Variants in RITA1 observed in about 807,000 individuals in gnomAD.
RITA1 encodes the protein RBPJ interacting and tubulin associated 1.
A neutral mutation model predicts 8.7 loss-of-function variants in RITA1; 15 were observed. The observed-to-expected ratio is 1.72, with a 90% CI of 1.15 to 2.65. The LOEUF (loss-of-function observed/expected upper bound fraction) is 2.65. Among genes scored for constraint, RITA1 ranks in the 30% most tolerant of loss-of-function variants. RITA1 has a pLI of 0.00. For missense variants in RITA1, 330 were observed against 363.8 expected (o/e 0.91, Z 0.76); for synonymous variants, 145 against 156.2 (o/e 0.93, Z 0.53).
intron 3 of RITA1, among the ~76,000 whole-genome samples, chr12:113,189,056 C>T (rs1593016815): frequency 2.6e-5 from 4 of 151,738 alleles, no homozygotes; most frequent in East Asian, 1.9e-4. Context: ...GTCGTTCTCC[C>T]GCCTCTGCTT....
chr12:113,185,831 C>T lies in RITA1; in HGVS notation c.-387C>T. ...TGCCGGCTCCTCGGGTGAGTCCGTC[C>T]GCGCGCGGTGCCCCGGGACGGCCTA... On this transcript the variant is annotated 5_prime_UTR_variant, in exon 1 of 4. Coordinates refer to ENST00000548278, the MANE Select transcript of RITA1 (RefSeq NM_032848.3). 2.6e-6 allele frequency: 2 copies of T among 762,626 alleles called. No homozygotes were observed. The highest frequency in any genetic ancestry group is 5.4e-5 in the East Asian group (2 of 36,750). The allele number at this position is 762,626 out of a possible 1,614,324, so 47.2% of individuals were successfully genotyped here. A position where few individuals can be genotyped will look rare whatever the true frequency, so the allele number is the denominator to read the frequency against.
chr12:113,191,716 A>T lies in RITA1; in HGVS notation c.709A>T (p.Ser237Cys), dbSNP rs770190366. The change falls in exon 4 of 4, where the codon AGC becomes TGC. Residue 237 changes from serine to cysteine, a missense_variant. Ser to Cys is a moderately radical substitution (Grantham distance 112). Transcript: ENST00000548278. The surrounding 1 kb of genome is among the most constrained non-coding windows in gnomAD (Gnocchi z 4.0). ...RPSTSGVTFR[S>C]PLVTSRARSV... ...TTCCACGTCAGGGGTGACCTTCCGG[A>T]GCCCCCTGGTGACTTCCAGGGCTCG... 1.1e-5 allele frequency: 18 copies of T among 1,613,922 alleles called. No homozygotes were observed. The highest frequency in any genetic ancestry group is 9.3e-6 in the Non-Finnish European group (11 of 1,180,002).
chr12:113,188,648 T>G (rs1952563670), intron 3 of RITA1, among the ~76,000 whole-genome samples: 1 of 150,866 alleles, frequency 6.6e-6, no homozygotes, highest in Non-Finnish European at 1.5e-5. Flanking sequence ...CCTTTTCTCA[T>G]TTTTTTTTAA....
chr12:113,189,731 A>AT (rs921524188), intron 3 of RITA1, among the ~76,000 whole-genome samples: 1 of 139,200 alleles, frequency 7.2e-6, no homozygotes, highest in Non-Finnish European at 1.6e-5. Context: ...TATCTGTTGA[A>AT]TAAAAAAAAA....
At chr12:113,189,566 C>T (rs1952576753) in intron 3 of RITA1, among the ~76,000 whole-genome samples, 1 of 152,050 alleles carries the variant, frequency 6.6e-6, no homozygotes, top group African/African-American at 2.4e-5. Context: ...AAAACCTTGG[C>T]ACCAGACATA....
chr12:113,188,240 G>T (rs542259381), intron 3 of RITA1, among the ~76,000 whole-genome samples: 2 of 142,300 alleles, frequency 1.4e-5, no homozygotes. Context: ...TTTTTGAGAC[G>T]GAGTTTTGCT....
At position 113,191,082 on chromosome 12, in the gene RITA1, G is replaced by C. The variant is rs1477259226; in HGVS notation, c.303-228G>C. Reference sequence around the variant, plus strand: ...GGGCACATGTCTGGGAATGGGGTCAGGATGCAGGGGCAGTGGATGTTTCGC... The same window carrying C: ...GGGCACATGTCTGGGAATGGGGTCACGATGCAGGGGCAGTGGATGTTTCGC... On this transcript the variant is annotated intron_variant, in intron 3 of 3. Coordinates refer to ENST00000548278, the MANE Select transcript of RITA1 (RefSeq NM_032848.3). This position sits in a 1 kb window ranked among gnomAD's most constrained non-coding sequence, Gnocchi z 4.0. Among the ~76,000 whole-genome samples the C allele has an allele frequency of 6.6e-6, 1 of 152,196 alleles. No individual in the cohort carries two copies. The highest frequency in any genetic ancestry group is 1.5e-5 in the Non-Finnish European group (1 of 68,038).
intron 3 of RITA1, among the ~76,000 whole-genome samples, chr12:113,188,941 C>T (rs1326599843): frequency 6.6e-6 from 1 of 151,270 alleles, no homozygotes; most frequent in East Asian, 1.9e-4. Flanking sequence ...TCCCGAGTAG[C>T]TGGCATTACA....
Position 113,191,522 on chromosome 12 carries a change from CAG to C in RITA1, c.518_519del (p.Glu173AlafsTer75), listed in dbSNP as rs759178196. The C allele has an allele frequency of 2.5e-6, 4 of 1,612,236 alleles. No individual in the cohort carries two copies. The highest frequency in any genetic ancestry group is 3.4e-6 in the Non-Finnish European group (4 of 1,178,658). ...ATTCACCCAGCTGGTCCCTCCAAGA[CAG>C]AGCCGGGGCCAGCGGCAGACTCCCA... On this transcript the variant is annotated frameshift_variant, in exon 4 of 4. Transcript: ENST00000548278. LOFTEE classifies it low-confidence loss of function (END_TRUNC). The surrounding 1 kb of genome is among the most constrained non-coding windows in gnomAD (Gnocchi z 4.0).
chr12:113,187,287 A>T, intron 3 of RITA1: 1 of 456,524 alleles, frequency 2.2e-6, no homozygotes, highest in Non-Finnish European at 3.8e-6. Context: ...CTGTCAATAA[A>T]TGGTAGTGTT....
rs1351847267 is a variant in RITA1, at chr12:113,191,614, A to G, written c.607A>G (p.Thr203Ala). 2 of 1,613,832 alleles carry G rather than the reference A, an allele frequency of 1.2e-6. No homozygotes were observed. The highest frequency in any genetic ancestry group is 2.2e-5 in the South Asian group (2 of 91,062). The change falls in exon 4 of 4, where the codon ACC (threonine) becomes GCC (alanine). Residue 203 changes from threonine to alanine, a missense_variant. Thr to Ala is a moderately conservative substitution (Grantham distance 58, BLOSUM62 0). Transcript: ENST00000548278. The surrounding 1 kb of genome is among the most constrained non-coding windows in gnomAD (Gnocchi z 4.0). Reference sequence around the variant, plus strand: ...GAAGCGGGGACTTTCCCATTCCCTCACCCACCTGAATGTCCCCAGCACTGG... The same window carrying G: ...GAAGCGGGGACTTTCCCATTCCCTCGCCCACCTGAATGTCCCCAGCACTGG... ...PLKRGLSHSL[T>A]HLNVPSTGHP...
intron 3 of RITA1, among the ~76,000 whole-genome samples, chr12:113,187,752 G>A (rs994296170): frequency 6.0e-5 from 4 of 66,990 alleles, no homozygotes; most frequent in Non-Finnish European, 1.1e-4. Flanking sequence ...GTGAGACCCT[G>A]TCTCCAAAAA....
rs764901701 is a variant in RITA1, at chr12:113,191,774, G to A, written c.767G>A (p.Arg256Gln). The A allele has an allele frequency of 7.4e-6, 12 of 1,611,862 alleles. No individual in the cohort carries two copies. The highest frequency in any genetic ancestry group is 2.2e-5 in the South Asian group (2 of 90,974). The change falls in exon 4 of 4, where the codon CGA becomes CAA. Residue 256 changes from arginine to glutamine, a missense_variant. By Grantham distance (43) the Arg-to-Gln change is conservative. Transcript: ENST00000548278. This position sits in a 1 kb window ranked among gnomAD's most constrained non-coding sequence, Gnocchi z 4.0. The part of the protein sequence containing the change: ...SVSISVPSTP[R>Q]RGGATQKPKP... ...AGCATTTCAGTGCCATCTACCCCAC[G>A]ACGAGGTGGGGCCACCCAGAAACCA... is the stretch of plus-strand genomic sequence containing the variant.
Position 113,191,360 on chromosome 12 carries a change from G to T in RITA1, c.353G>T (p.Arg118Leu), listed in dbSNP as rs143445723. The T allele has an allele frequency of 1.3e-6, 2 of 1,583,430 alleles. No homozygotes were observed. The highest frequency in any genetic ancestry group is 1.8e-5 in the Admixed American group (1 of 56,522). ...TGTGATGAGTCGCTGTTTGGCTCCC[G>T]ATCTGAAGGCGCCAGCTTCGGGGCC... ...SYCDESLFGS[R>L]SEGASFGAPR... Residue 118 changes from arginine (R) to leucine (L), a missense_variant, in exon 4 of 4, where the codon CGA becomes CTA. Arg to Leu is a moderately radical substitution (Grantham distance 102). Transcript: ENST00000548278. The surrounding 1 kb of genome is among the most constrained non-coding windows in gnomAD (Gnocchi z 4.0).
rs760422290 is a variant in RITA1 at position 113,186,755 on chromosome 12, C to G, written c.9C>G (p.Thr3=). 5 of 1,613,000 alleles carry G rather than the reference C, an allele frequency of 3.1e-6. No individual in the cohort carries two copies. The East Asian group carries it at 1.1e-4, about 36-fold the overall frequency. ...CAGGGACCACAGGCAGCATGAAGAC[C>G]CCCGTGGAGCTGGCCGTCAGTGGGA... is the stretch of plus-strand genomic sequence containing the variant. MK[T]PVELAVSGMQ... is the part of the protein sequence containing the mutation. Residue 3 remains threonine (T), a synonymous_variant, in exon 3 of 4, where the codon ACC becomes ACG. Transcript: ENST00000548278.
rs376884933 is a variant in RITA1, at chr12:113,186,105, T to C, written c.-196-80T>C. On this transcript the variant is annotated intron_variant, in intron 1 of 3. Transcript: ENST00000548278. ...TTGGGAGTCGCAGAATGTGGGGCGG[T>C]GGGGGCGGCGGTGATCTCCCGATAG... 171 of 1,524,612 alleles carry C rather than the reference T, an allele frequency of 1.1e-4. No individual in the cohort carries two copies. In the African/African-American group the frequency reaches 2.1e-3, roughly 18 times the overall value. The allele number at this position is 1,524,612 out of a possible 1,614,324, so 94.4% of individuals were successfully genotyped here.
intron 1 of RITA1, 66 bp downstream of exon 1, chr12:113,186,087 T>C: frequency 6.5e-7 from 1 of 1,533,594 alleles, no homozygotes; most frequent in Non-Finnish European, 8.7e-7. Flanking sequence ...GATTTGGGAG[T>C]CGCAGAATGT....
intron 2 of RITA1, 28 bp downstream of exon 2, chr12:113,186,344 A>T (rs1952535916): frequency 2.9e-6 from 4 of 1,376,622 alleles, no homozygotes; most frequent in African/African-American, 1.5e-5. Context: ...GCTGGCTGTC[A>T]TTGCCCCCAC....
intron 3 of RITA1, among the ~76,000 whole-genome samples, chr12:113,188,786 C>CTTTTTTTTTTTTTTTTTTTTT: frequency 1.6e-5 from 1 of 64,258 alleles, no homozygotes; most frequent in Non-Finnish European, 3.2e-5. Context: ...GCCTTAGTTA[C>CTTTTTTTTTTTTTTTTTTTTT]CTTTTTTTTT....
Sources: gnomAD v4.1 joint callset for allele counts (sites outside exome capture counted in the v4.1 genomes callset) on GRCh38, gnomAD v4.1.1 for gene constraint, Gnocchi (gnomAD v3.1) non-coding constraint, MANE v1.5 for transcripts, NCBI Gene and HGNC (gene_info 2026-07-23, HGNC 2026-07-21) for gene names.